The following RPA2 variants were observed in gnomAD, a reference collection of about 807,000 sequenced individuals.
RPA2 encodes replication protein A2, also known as replication protein A 32 kDa subunit.
In RPA2, 22 loss-of-function variants were observed where a neutral mutation model predicts 33.4. That is an observed-to-expected ratio of 0.66 (90% CI 0.47 to 0.94). The LOEUF (loss-of-function observed/expected upper bound fraction) is 0.94, where lower values mean the gene tolerates loss of function less well. Among genes scored for constraint, RPA2 ranks in the 40% least tolerant of loss-of-function variants. The pLI, the probability that RPA2 is intolerant of heterozygous loss-of-function variation, is 0.00. For missense variants in RPA2, 279 were observed against 329.9 expected, an observed-to-expected ratio of 0.85 and a Z score of 1.19; for synonymous variants, 109 against 114.9, an observed-to-expected ratio of 0.95 and a Z score of 0.33.
chr1:27,894,809 T>A (rs2089869339), intron 6 of RPA2, among the ~76,000 whole-genome samples: 1 of 151,162 alleles, frequency 6.6e-6, no homozygotes, highest in South Asian at 2.1e-4. Context: ...TCTTTCTTTC[T>A]TTTTTTTTAA....
chr1:27,894,273 A>T lies in RPA2; in HGVS notation c.633+17T>A, dbSNP rs765958353. ...ATCTGTGTTTTGTATTTCTGAAGCC[A>T]CTCTGGTGGAGGTTACCTGGTTTTG... On this transcript the variant is annotated intron_variant, in intron 7 of 8. Transcript: ENST00000373912. 6.2e-7 allele frequency: 1 copy of T among 1,607,470 alleles called. No homozygotes were observed. Among genetic ancestry groups the T allele is most frequent in the Admixed American group, 1.7e-5 (1 of 59,416 alleles).
intron 5 of RPA2, 50 bp downstream of exon 5, chr1:27,897,583 A>G (rs1179904648): frequency 1.4e-6 from 2 of 1,388,380 alleles, no homozygotes; most frequent in Non-Finnish European, 9.9e-7. Context: ...ATGAATCTAG[A>G]AACTGCTTCA....
chr1:27,914,489 G>C lies in RPA2; in HGVS notation c.-46C>G. The C allele has an allele frequency of 5.0e-6, 8 of 1,593,322 alleles. No homozygotes were observed. The highest frequency in any genetic ancestry group is 6.8e-6 in the Non-Finnish European group (8 of 1,169,820). On this transcript the variant is annotated 5_prime_UTR_variant, in exon 1 of 9. Transcript: ENST00000373912. ...AAGAGGCCGAGAAGGTGCGGGTCTG[G>C]GGGAATAGCGGAAAACCACAGAACG... is the stretch of plus-strand genomic sequence containing the variant.
chr1:27,904,861 A>G (rs1224533380), intron 4 of RPA2, among the ~76,000 whole-genome samples: 1 of 152,126 alleles, frequency 6.6e-6, no homozygotes, highest in African/African-American at 2.4e-5. Flanking sequence ...CACGTTGGCC[A>G]GGCTGGTTTC....
Position 27,892,261 on chromosome 1 carries a change from AG to A in RPA2, c.729-15del, listed in dbSNP as rs964972709. ...TCCACAGCTTGCCTAGAAAGAAAGAAGAAAAAAAAAAGGTCATTTTCAGGCC... is the reference window on the plus strand; with the variant it reads ...TCCACAGCTTGCCTAGAAAGAAAGAAAAAAAAAAAAGGTCATTTTCAGGCC... On this transcript the variant is annotated splice_polypyrimidine_tract_variant and intron_variant, in intron 8 of 8. Coordinates refer to ENST00000373912, the MANE Select transcript of RPA2 (RefSeq NM_002946.5). 2.5e-6 allele frequency: 4 copies of A among 1,608,588 alleles called. No homozygotes were observed. In the African/African-American group the frequency reaches 4.0e-5, roughly 16 times the overall value.
At chr1:27,912,942 A>G (rs976354557) in intron 2 of RPA2, among the ~76,000 whole-genome samples, 3 of 152,084 alleles carry the variant, frequency 2.0e-5, no homozygotes, top group African/African-American at 7.2e-5. Context: ...CACGTCTATG[A>G]CTTCAAAGAC....
chr1:27,903,374 G>A (rs181862878), intron 4 of RPA2, among the ~76,000 whole-genome samples: 1 of 152,232 alleles, frequency 6.6e-6, no homozygotes, highest in East Asian at 1.9e-4. Context: ...TCTTATAATG[G>A]AATCGGTGGT....
intron 2 of RPA2, among the ~76,000 whole-genome samples, chr1:27,908,662 A>T (rs1017394386): frequency 3.3e-5 from 5 of 151,582 alleles, no homozygotes; most frequent in Non-Finnish European, 7.4e-5. Context: ...ATGCCCAGCT[A>T]ATTTTTCTAT....
chr1:27,907,083 C>T, intron 3 of RPA2, 42 bp from the exon 4 acceptor site: 2 of 1,557,726 alleles, frequency 1.3e-6, no homozygotes, highest in Non-Finnish European at 1.7e-6. Context: ...AGGTCTGGTT[C>T]CCCCTGAAAC....
chr1:27,894,555 T>G (rs1388723339), intron 6 of RPA2, among the ~76,000 whole-genome samples, 158 bp from the exon 7 acceptor site: 1 of 152,244 alleles, frequency 6.6e-6, no homozygotes, highest in African/African-American at 2.4e-5. Flanking sequence ...TATTATCTAA[T>G]GAGTATTTCA....
At chr1:27,910,628 G>A (rs1332028606) in intron 2 of RPA2, among the ~76,000 whole-genome samples, 3 of 152,094 alleles carry the variant, frequency 2.0e-5, no homozygotes, top group Non-Finnish European at 4.4e-5. Flanking sequence ...ATTAAAATTG[G>A]GTCGCTATTT....
In RPA2 at chr1:27,914,487, T is replaced by A. The variant is rs1482947386; in HGVS notation, c.-44A>T. 1.3e-6 allele frequency: 2 copies of A among 1,593,832 alleles called. No homozygotes were observed. Among genetic ancestry groups the A allele is most frequent in the African/African-American group, 2.7e-5 (2 of 74,630 alleles). On this transcript the variant is annotated 5_prime_UTR_variant, in exon 1 of 9. Transcript: ENST00000373912. ...CAAAGAGGCCGAGAAGGTGCGGGTCTGGGGGAATAGCGGAAAACCACAGAA... is the reference window on the plus strand; with the variant it reads ...CAAAGAGGCCGAGAAGGTGCGGGTCAGGGGGAATAGCGGAAAACCACAGAA...
intron 6 of RPA2, among the ~76,000 whole-genome samples, chr1:27,895,761 A>C (rs2089883929): frequency 6.6e-6 from 1 of 152,152 alleles, no homozygotes; most frequent in South Asian, 2.1e-4. Context: ...CAAAAAACCC[A>C]AATAAACAAA....
chr1:27,901,484 TCCCAAGTAG>T (rs2089967076), intron 4 of RPA2, among the ~76,000 whole-genome samples: 1 of 151,782 alleles, frequency 6.6e-6, no homozygotes, highest in Admixed American at 6.6e-5. Context: ...TGCCTCAGCC[TCCCAAGTAG>T]CTGGCATTAC....
chr1:27,899,838 G>A (rs1335038528), intron 4 of RPA2, among the ~76,000 whole-genome samples: 3 of 151,836 alleles, frequency 2.0e-5, no homozygotes, highest in Non-Finnish European at 4.4e-5. Flanking sequence ...CCGCCACCAC[G>A]CCCGGCTAAT....
At chr1:27,909,444 G>A (rs968204121) in intron 2 of RPA2, among the ~76,000 whole-genome samples, 28 of 152,170 alleles carry the variant, frequency 1.8e-4, no homozygotes, top group South Asian at 2.1e-4. Context: ...TTGGCCAGGC[G>A]TGGTGGGTAA....
chr1:27,898,544 AT>A (rs5773203), intron 4 of RPA2, among the ~76,000 whole-genome samples: 49,707 of 137,394 alleles, frequency 0.36, 8,229 homozygotes, highest in Middle Eastern at 0.44. Context: ...ACATTAGCTG[AT>A]TTTTTTTTTT....
At chr1:27,903,705 G>A (rs2089994401) in intron 4 of RPA2, among the ~76,000 whole-genome samples, 1 of 147,260 alleles carries the variant, frequency 6.8e-6, no homozygotes, top group African/African-American at 2.5e-5. Flanking sequence ...GATAACACGA[G>A]TGAAGCTCAG....
intron 6 of RPA2, among the ~76,000 whole-genome samples, chr1:27,894,935 CAA>C (rs933052116): frequency 1.3e-5 from 2 of 152,148 alleles, no homozygotes; most frequent in African/African-American, 4.8e-5. Context: ...CTGTTTTCAC[CAA>C]AGTCACCAAA....
Sources: allele counts gnomAD v4.1 joint callset (sites outside exome capture counted in the v4.1 genomes callset), GRCh38; gene constraint gnomAD v4.1.1; transcripts MANE v1.5; gene names NCBI Gene and HGNC (gene_info 2026-07-23, HGNC 2026-07-21).